The following NCKAP5 variants were observed in gnomAD, a reference collection of about 807,000 sequenced individuals.
The protein encoded by NCKAP5 is nck-associated protein 5.
In NCKAP5, 92 loss-of-function variants were observed where a neutral mutation model predicts 167.0. The ratio of observed to expected loss-of-function variants is 0.55; its 90% CI spans 0.47 to 0.66. NCKAP5 has a LOEUF of 0.66. Among genes scored for constraint, NCKAP5 ranks in the 30% least tolerant of loss-of-function variants. NCKAP5 has a pLI of 0.00. For missense variants in NCKAP5, 2,378 were observed against 2,315.0 expected (o/e 1.03, Z -0.56); for synonymous variants, 891 against 877.4 (o/e 1.02, Z -0.27).
At chr2:133,362,968 G>C (rs568343752) in intron 3 of NCKAP5, among the ~76,000 whole-genome samples, 1 of 151,186 alleles carries the variant, frequency 6.6e-6, no homozygotes, top group Non-Finnish European at 1.5e-5. Context: ...GGGTTTCACC[G>C]TGTCAGCCAG....
chr2:133,179,737 C>G (rs928155935), intron 5 of NCKAP5, among the ~76,000 whole-genome samples: 1 of 151,848 alleles, frequency 6.6e-6, no homozygotes, highest in African/African-American at 2.4e-5. Flanking sequence ...TGGGCTCAAT[C>G]GTAGCATGGA....
intron 3 of NCKAP5, among the ~76,000 whole-genome samples, chr2:133,487,233 A>AG (rs1326374752): frequency 6.6e-6 from 1 of 152,164 alleles, no homozygotes; most frequent in East Asian, 1.9e-4. Context: ...GACACAATGG[A>AG]GGGAAAAATG....
At chr2:132,917,953 G>T (rs1215183962) in intron 8 of NCKAP5, among the ~76,000 whole-genome samples, 1 of 152,166 alleles carries the variant, frequency 6.6e-6, no homozygotes, top group East Asian at 1.9e-4. Context: ...ATCATTGGCT[G>T]CAAGGGAACC....
intron 6 of NCKAP5, among the ~76,000 whole-genome samples, chr2:133,027,952 C>T (rs2078752681): frequency 6.6e-6 from 1 of 152,106 alleles, no homozygotes; most frequent in Non-Finnish European, 1.5e-5. Flanking sequence ...CATGTTTTCT[C>T]ATGGACCCAG....
At chr2:132,970,069 G>A (rs557302444) in intron 7 of NCKAP5, among the ~76,000 whole-genome samples, 2 of 152,308 alleles carry the variant, frequency 1.3e-5, no homozygotes, top group East Asian at 1.9e-4. Flanking sequence ...ACCTGAGAGA[G>A]CGGAGAGAAA....
intron 4 of NCKAP5, among the ~76,000 whole-genome samples, chr2:133,246,310 A>G (rs2087990793): frequency 6.6e-6 from 1 of 152,220 alleles, no homozygotes; most frequent in Admixed American, 6.5e-5. Context: ...CATGAAAAAA[A>G]GCTTGTTAAA....
chr2:133,436,205 G>A (rs777460998), intron 3 of NCKAP5, among the ~76,000 whole-genome samples: 10 of 152,140 alleles, frequency 6.6e-5, no homozygotes, highest in Admixed American at 4.6e-4. Context: ...TCTAGTGCAA[G>A]GATTCTCAGT....
At chr2:132,996,528 A>T (rs1370598) in intron 6 of NCKAP5, among the ~76,000 whole-genome samples, 114,941 of 152,042 alleles carry the variant, frequency 0.76, 44,103 homozygotes, top group African/African-American at 0.88. Flanking sequence ...TCCTAAGATA[A>T]CTCCTCATTG....
At chr2:132,974,967 C>G (rs1369207081) in intron 7 of NCKAP5, among the ~76,000 whole-genome samples, 1 of 152,200 alleles carries the variant, frequency 6.6e-6, no homozygotes, top group Non-Finnish European at 1.5e-5. Context: ...GTTTCAGCTT[C>G]TGTGATTTAT....
intron 5 of NCKAP5, among the ~76,000 whole-genome samples, chr2:133,135,992 A>T (rs2082775448): frequency 6.6e-6 from 1 of 152,212 alleles, no homozygotes; most frequent in Admixed American, 6.5e-5. Flanking sequence ...AAAGTTCAAA[A>T]ATGTGTGTCT....
intron 19 of NCKAP5, among the ~76,000 whole-genome samples, chr2:132,683,892 C>T (rs959028324): frequency 1.3e-5 from 2 of 152,120 alleles, no homozygotes; most frequent in Admixed American, 6.6e-5. Context: ...GATAAACCTA[C>T]AAATATTACT....
chr2:133,335,382 T>C (rs1574731237), intron 3 of NCKAP5, among the ~76,000 whole-genome samples: 1 of 152,208 alleles, frequency 6.6e-6, no homozygotes, highest in Admixed American at 6.5e-5. Flanking sequence ...ATTAATTGGG[T>C]GCTTTAGCTG....
intron 6 of NCKAP5, among the ~76,000 whole-genome samples, chr2:133,100,234 T>C (rs2081466637): frequency 6.6e-6 from 1 of 152,220 alleles, no homozygotes; most frequent in Non-Finnish European, 1.5e-5. Flanking sequence ...GTCAACCACT[T>C]GATCTGACAG....
chr2:133,427,431 T>G lies in NCKAP5; in HGVS notation c.69+90027A>C, dbSNP rs967828228. Among the ~76,000 whole-genome samples, 4 of 152,172 alleles carry G rather than the reference T, an allele frequency of 2.6e-5. No individual in the cohort carries two copies. The South Asian group carries it at 8.3e-4, about 31-fold the overall frequency. ...AGTTTTAAAATAGGCAAATATAGCA[T>G]GACAGTCTGATTTTATTTAAATTTT... On this transcript the variant is annotated intron_variant, in intron 3 of 19. Transcript: ENST00000409261.
chr2:133,369,733 T>A (rs536710120), intron 3 of NCKAP5, among the ~76,000 whole-genome samples: 4 of 152,374 alleles, frequency 2.6e-5, no homozygotes, highest in Non-Finnish European at 2.9e-5. Flanking sequence ...AGAACATGAT[T>A]TTATATGGCT....
intron 1 of NCKAP5, among the ~76,000 whole-genome samples, chr2:133,567,453 A>G (rs1688632294): frequency 6.6e-6 from 1 of 151,960 alleles, no homozygotes; most frequent in South Asian, 2.1e-4. Flanking sequence ...CAGGCAAAAG[A>G]GAACATGTGG....
chr2:132,742,215 T>G (rs1479586875), intron 16 of NCKAP5, among the ~76,000 whole-genome samples: 1 of 152,044 alleles, frequency 6.6e-6, no homozygotes, highest in African/African-American at 2.4e-5. Flanking sequence ...TCTTTAAATC[T>G]CTTTTACTTC....
At chr2:133,595,198 G>A in the NCKAP5 span, among the ~76,000 whole-genome samples, 12 of 152,064 alleles carry the variant, frequency 7.9e-5, no homozygotes, top group African/African-American at 2.2e-4. Context: ...AGTGTTATGC[G>A]CATTGATACC....
Position 133,154,799 on chromosome 2 carries a change from T to C in NCKAP5, c.208-24688A>G, listed in dbSNP as rs189627625. Among the ~76,000 whole-genome samples, 22 of 152,366 alleles carry C rather than the reference T, an allele frequency of 1.4e-4. No individual in the cohort carries two copies. The East Asian group carries it at 4.2e-3, about 29-fold the overall frequency. On this transcript the variant is annotated intron_variant, in intron 5 of 19. Coordinates refer to ENST00000409261, the MANE Select transcript of NCKAP5 (RefSeq NM_207363.3). ...CATGCATACATCAGAGGGAGTGGTC[T>C]ATTTGAGAAATTAAGGACTCTAACT...
Sources: allele counts gnomAD v4.1 joint callset (sites outside exome capture counted in the v4.1 genomes callset), GRCh38; gene constraint gnomAD v4.1.1; transcripts MANE v1.5; gene names NCBI Gene and HGNC (gene_info 2026-07-23, HGNC 2026-07-21).